Variants in KRAS observed in about 807,000 individuals in gnomAD.
The protein encoded by KRAS is GTPase KRas.
A neutral mutation model predicts 21.0 loss-of-function variants in KRAS; 1 was observed. The ratio of observed to expected loss-of-function variants is 0.05; its 90% CI spans 0.02 to 0.23. KRAS has a LOEUF of 0.23. Among genes scored for constraint, KRAS ranks in the 10% least tolerant of loss-of-function variants. The pLI is 1.00. For synonymous variants in KRAS, 67 were observed against 72.5 expected, an observed-to-expected ratio of 0.92 and a Z score of 0.39; for missense variants, 107 against 221.8, an observed-to-expected ratio of 0.48 and a Z score of 3.29.
rs1385868638 is a variant in KRAS at position 25,233,265 on chromosome 12, AGGGCTAGGCACCAT to A, written c.112-5867_112-5854del. On this transcript the variant is annotated intron_variant, in intron 2 of 4. Transcript: ENST00000311936. ...AAGTGATAGTTTATAAATGTAGGTT[AGGGCTAGGCACCAT>A]GGGCTAGGCACCTATAATCCCAACA... Among the ~76,000 whole-genome samples the A allele has an allele frequency of 5.3e-5, 8 of 152,142 alleles. No homozygotes were observed. In the East Asian group the frequency reaches 1.5e-3, roughly 29 times the overall value.
chr12:25,213,339 G>A (rs1374570297), intron 4 of KRAS, among the ~76,000 whole-genome samples: 2 of 152,100 alleles, frequency 1.3e-5, no homozygotes, highest in Non-Finnish European at 2.9e-5. Context: ...ATCTAATGGT[G>A]AGACAATAGG....
intron 2 of KRAS, among the ~76,000 whole-genome samples, chr12:25,233,345 G>C (rs1020770049): frequency 1.3e-5 from 2 of 152,086 alleles, no homozygotes; most frequent in African/African-American, 4.8e-5. Flanking sequence ...GAGGTCAAGA[G>C]TTCAAGACCA....
rs532903475 is a variant in KRAS, at chr12:25,206,320, A to G, written c.*3475T>C. 1.9e-5 allele frequency: 4 copies of G among 207,266 alleles called. No individual in the cohort carries two copies. In the South Asian group the frequency reaches 7.6e-4, roughly 39 times the overall value. 12.8% of individuals were successfully genotyped at this position (207,266 alleles called of 1,614,324 possible). A position where few individuals can be genotyped will look rare whatever the true frequency, so the allele number is the denominator to read the frequency against. On this transcript the variant is annotated 3_prime_UTR_variant, in exon 5 of 5. Transcript: ENST00000311936. ...TGCCTACTTGGGAACATTCACTCAAATGATACAATATACGTCTGCTATATT... is the reference window on the plus strand; with the variant it reads ...TGCCTACTTGGGAACATTCACTCAAGTGATACAATATACGTCTGCTATATT...
At chr12:25,230,976 A>G (rs968314368) in intron 2 of KRAS, among the ~76,000 whole-genome samples, 2 of 152,186 alleles carry the variant, frequency 1.3e-5, no homozygotes, top group African/African-American at 2.4e-5. Flanking sequence ...GTAATGAAAA[A>G]GCAGGAGGTG....
At chr12:25,240,128 A>T (rs1184729991) in intron 2 of KRAS, among the ~76,000 whole-genome samples, 1 of 152,182 alleles carries the variant, frequency 6.6e-6, no homozygotes, top group East Asian at 1.9e-4. Flanking sequence ...AAGTGCTAAG[A>T]TTACAGGCAT....
At chr12:25,220,178 A>G (rs918763091) in intron 4 of KRAS, among the ~76,000 whole-genome samples, 1 of 152,224 alleles carries the variant, frequency 6.6e-6, no homozygotes, top group Non-Finnish European at 1.5e-5. Context: ...GCTTTTGCCA[A>G]CATGGCCATG....
At chr12:25,245,654 A>T (rs559577516) in intron 1 of KRAS, among the ~76,000 whole-genome samples, 2 of 152,338 alleles carry the variant, frequency 1.3e-5, no homozygotes, top group African/African-American at 2.4e-5. Context: ...CAGTTCTTTT[A>T]TCTTAAAATC....
At chr12:25,224,554 G>A (rs1951366489) in intron 4 of KRAS, among the ~76,000 whole-genome samples, 2 of 152,006 alleles carry the variant, frequency 1.3e-5, no homozygotes, top group Admixed American at 1.3e-4. Flanking sequence ...AAAATGTTAG[G>A]AAAAATTAAA....
intron 2 of KRAS, among the ~76,000 whole-genome samples, chr12:25,229,177 T>C (rs1375821899): frequency 6.6e-6 from 1 of 152,212 alleles, no homozygotes; most frequent in Non-Finnish European, 1.5e-5. Context: ...AATGCAAGTG[T>C]ACATGCTGGT....
Position 25,248,427 on chromosome 12 carries a change from G to A in KRAS, c.-12+2324C>T, listed in dbSNP as rs550415663. On this transcript the variant is annotated intron_variant, in intron 1 of 4. Coordinates refer to ENST00000311936, the MANE Select transcript of KRAS (RefSeq NM_004985.5). Reference sequence around the variant, plus strand: ...ATCGCGCCACTGCATTCCGGCCTGGGTGACAGAGTGAGACTCTCTCTCTCA... The same window carrying A: ...ATCGCGCCACTGCATTCCGGCCTGGATGACAGAGTGAGACTCTCTCTCTCA... Among the ~76,000 whole-genome samples, 33 of 152,186 alleles carry A rather than the reference G, an allele frequency of 2.2e-4. 1 individual carries two copies. In the South Asian group the frequency reaches 6.9e-3, roughly 32 times the overall value.
intron 2 of KRAS, among the ~76,000 whole-genome samples, chr12:25,229,486 G>A (rs1467945526): frequency 6.6e-6 from 1 of 151,778 alleles, no homozygotes; most frequent in African/African-American, 2.4e-5. Flanking sequence ...TTTCTAAAAA[G>A]AGAGAGAACT....
chr12:25,227,530 G>A lies in KRAS; in HGVS notation c.112-118C>T, dbSNP rs530839874. The A allele has an allele frequency of 1.6e-3, 1,391 of 861,978 alleles. 9 individuals are homozygous for A. The highest frequency in any genetic ancestry group is 2.9e-3 in the Admixed American group (138 of 47,780). The allele number at this position is 861,978 out of a possible 1,614,324, so 53.4% of individuals were successfully genotyped here. A position where few individuals can be genotyped will look rare whatever the true frequency, so the allele number is the denominator to read the frequency against. On this transcript the variant is annotated intron_variant, in intron 2 of 4. Transcript: ENST00000311936. ...TAAAAATGGGCAAAGGACTTGAAAA[G>A]ACATTGTTCCTGCTCCAAAGATGAC...
chr12:25,217,443 GTA>G (rs1286609409), intron 4 of KRAS, among the ~76,000 whole-genome samples: 1 of 151,954 alleles, frequency 6.6e-6, no homozygotes, highest in Non-Finnish European at 1.5e-5. Flanking sequence ...GTTAAAATGC[GTA>G]TCTCAAGTCA....
Position 25,209,679 on chromosome 12 carries a change from C to T in KRAS, c.*116G>A. 1.4e-6 allele frequency: 2 copies of T among 1,464,374 alleles called. No individual in the cohort carries two copies. Among genetic ancestry groups the T allele is most frequent in the Admixed American group, 2.6e-5 (1 of 38,134 alleles). The allele number at this position is 1,464,374 out of a possible 1,614,324, so 90.7% of individuals were successfully genotyped here. A position where few individuals can be genotyped will look rare whatever the true frequency, so the allele number is the denominator to read the frequency against. Reference sequence around the variant, plus strand: ...AGCATTTAAGGTAAAAGCTAACAGTCTGCATGGAGCAGGAAAAAAATTAGG... The same window carrying T: ...AGCATTTAAGGTAAAAGCTAACAGTTTGCATGGAGCAGGAAAAAAATTAGG... On this transcript the variant is annotated 3_prime_UTR_variant, in exon 5 of 5. Coordinates refer to ENST00000311936, the MANE Select transcript of KRAS (RefSeq NM_004985.5).
intron 1 of KRAS, among the ~76,000 whole-genome samples, chr12:25,247,310 A>G (rs1186167369): frequency 6.6e-6 from 1 of 152,240 alleles, no homozygotes; most frequent in Non-Finnish European, 1.5e-5. Flanking sequence ...TTCCCAAATG[A>G]TAACATACTA....
At chr12:25,230,995 G>A (rs1482279570) in intron 2 of KRAS, among the ~76,000 whole-genome samples, 1 of 150,620 alleles carries the variant, frequency 6.6e-6, no homozygotes, top group Admixed American at 6.6e-5. Context: ...TGGGAGCAAA[G>A]CACAGAGTCT....
intron 4 of KRAS, among the ~76,000 whole-genome samples, chr12:25,211,998 A>G (rs1414838717): frequency 3.3e-5 from 5 of 152,258 alleles, no homozygotes; most frequent in African/African-American, 7.2e-5. Context: ...TTGATTACAT[A>G]TATGTATGTG....
chr12:25,223,186 G>A (rs1951349798), intron 4 of KRAS, among the ~76,000 whole-genome samples: 1 of 151,938 alleles, frequency 6.6e-6, no homozygotes, highest in Non-Finnish European at 1.5e-5. Context: ...AATGTTCAGT[G>A]GTATAAAAAG....
At position 25,225,815 on chromosome 12, in the gene KRAS, C is replaced by T. The variant is rs375630902; in HGVS notation, c.291-42G>A. The T allele has an allele frequency of 7.0e-6, 11 of 1,573,414 alleles. No homozygotes were observed. In the African/African-American group the frequency reaches 1.2e-4, roughly 17 times the overall value. On this transcript the variant is annotated intron_variant, in intron 3 of 4. Transcript: ENST00000311936. ...AGTTATAGCACAGTCATTAGTAACA[C>T]AAATATCTTTCAAAACCTGTCCACA...
Sources: gnomAD v4.1 joint callset for allele counts (sites outside exome capture counted in the v4.1 genomes callset) on GRCh38, gnomAD v4.1.1 for gene constraint, MANE v1.5 for transcripts, NCBI Gene and HGNC (gene_info 2026-07-23, HGNC 2026-07-21) for gene names.